The following PTPRD variants were observed in gnomAD, a reference collection of about 807,000 sequenced individuals.
PTPRD encodes receptor-type tyrosine-protein phosphatase delta.
In PTPRD, 34 loss-of-function variants were observed where a neutral mutation model predicts 214.5. The observed-to-expected ratio is 0.16, with a 90% CI of 0.12 to 0.21. The LOEUF is 0.21. Ranked by LOEUF, PTPRD falls within the 10% of genes least tolerant of loss-of-function variation. PTPRD has a pLI of 1.00. For synonymous variants in PTPRD, 1,128 were observed against 845.7 expected (o/e 1.33, Z -5.79); for missense variants, 2,545 against 2,398.7 (o/e 1.06, Z -1.27).
At chr9:8,411,789 G>A (rs2093553820) in intron 35 of PTPRD, among the ~76,000 whole-genome samples, 1 of 152,094 alleles carries the variant, frequency 6.6e-6, no homozygotes, top group Non-Finnish European at 1.5e-5. Context: ...AGAAAGAGAT[G>A]GACAGATTTA....
At position 9,024,339 on chromosome 9, in the gene PTPRD, TTTTTTTTTGTTTG is replaced by T. The variant is rs947807294; in HGVS notation, c.-142-5617_-142-5605del. ...CGAAAAGGCTATTGTCGATTCTTTGTTTTTTTTTGTTTGTTTTTTTTTTTTTCCTGTATAAACA... is the reference window on the plus strand; with the variant it reads ...CGAAAAGGCTATTGTCGATTCTTTGTTTTTTTTTTTTTTCCTGTATAAACA... On this transcript the variant is annotated intron_variant, in intron 10 of 45. Transcript: ENST00000381196. 1.1e-3 allele frequency among the ~76,000 whole-genome samples: 72 copies of T among 64,670 alleles called. 1 individual carries two copies. The highest frequency in any genetic ancestry group is 2.1e-3 in the Non-Finnish European group (62 of 29,914). 42.4% of individuals were successfully genotyped at this position (64,670 alleles called of 152,430 possible). A position where few individuals can be genotyped will look rare whatever the true frequency, so the allele number is the denominator to read the frequency against.
intron 44 of PTPRD, among the ~76,000 whole-genome samples, chr9:8,321,440 G>A (rs1311538212): frequency 1.5e-5 from 2 of 135,840 alleles, no homozygotes; most frequent in African/African-American, 5.4e-5. Flanking sequence ...CTAAATAAGA[G>A]GAAATATATA....
intron 5 of PTPRD, among the ~76,000 whole-genome samples, chr9:9,900,641 G>GTTTTTTTTTTTGTTT (rs367877727): frequency 8.3e-6 from 1 of 120,086 alleles, no homozygotes; most frequent in African/African-American, 3.1e-5. Context: ...ACATTTTCAG[G>GTTTTTTTTTTTGTTT]TTTTTTTTTT....
intron 12 of PTPRD, among the ~76,000 whole-genome samples, chr9:8,675,293 A>G (rs2097378761): frequency 6.6e-6 from 1 of 152,006 alleles, no homozygotes; most frequent in African/African-American, 2.4e-5. Flanking sequence ...TACCTATTTT[A>G]TGGAATTGCT....
chr9:9,961,008 A>G (rs1306576402), intron 4 of PTPRD, among the ~76,000 whole-genome samples: 4 of 152,172 alleles, frequency 2.6e-5, no homozygotes, highest in Non-Finnish European at 1.5e-5. Flanking sequence ...AAAGATATGA[A>G]CAGACACTTC....
At chr9:10,313,409 C>T (rs1475031882) in intron 3 of PTPRD, among the ~76,000 whole-genome samples, 1 of 151,840 alleles carries the variant, frequency 6.6e-6, no homozygotes, top group Admixed American at 6.6e-5. Flanking sequence ...CACACACACA[C>T]ACACACACAA....
At chr9:9,503,008 G>C (rs1459287317) in intron 8 of PTPRD, among the ~76,000 whole-genome samples, 3 of 151,748 alleles carry the variant, frequency 2.0e-5, no homozygotes. Flanking sequence ...GACTACACAG[G>C]TTAATATGTT....
chr9:9,136,801 A>G (rs1391172646), intron 10 of PTPRD, among the ~76,000 whole-genome samples: 1 of 152,184 alleles, frequency 6.6e-6, no homozygotes, highest in Non-Finnish European at 1.5e-5. Context: ...CATAAATGTA[A>G]AAAGAAAATG....
intron 8 of PTPRD, among the ~76,000 whole-genome samples, chr9:9,527,660 G>A (rs1186502638): frequency 6.6e-6 from 1 of 152,002 alleles, no homozygotes. Flanking sequence ...AACTCTTCAA[G>A]CATCTATCCT....
chr9:9,502,386 G>C (rs1038699206), intron 8 of PTPRD, among the ~76,000 whole-genome samples: 4 of 151,738 alleles, frequency 2.6e-5, no homozygotes, highest in Non-Finnish European at 5.9e-5. Flanking sequence ...TTCTGTATCT[G>C]GTTTATTCAC....
intron 2 of PTPRD, among the ~76,000 whole-genome samples, chr9:10,552,029 T>C (rs1375287844): frequency 1.3e-5 from 2 of 152,180 alleles, no homozygotes; most frequent in South Asian, 2.1e-4. Context: ...TTTGGAGTCT[T>C]CAAGCAAACA....
chr9:9,726,084 T>C (rs2098085175), intron 7 of PTPRD, among the ~76,000 whole-genome samples: 2 of 152,160 alleles, frequency 1.3e-5, no homozygotes, highest in South Asian at 4.1e-4. Flanking sequence ...TTCTCATTGT[T>C]TTTTAAGGAC....
intron 8 of PTPRD, among the ~76,000 whole-genome samples, chr9:9,435,024 C>A (rs897158719): frequency 6.6e-6 from 1 of 151,712 alleles, no homozygotes; most frequent in Admixed American, 6.6e-5. Context: ...ATTTAAGAAT[C>A]AAGTTATGGA....
chr9:10,275,151 T>C (rs1360796539), intron 3 of PTPRD, among the ~76,000 whole-genome samples: 3 of 152,182 alleles, frequency 2.0e-5, no homozygotes, highest in Non-Finnish European at 4.4e-5. Flanking sequence ...ACAGTGATTA[T>C]AGATTCCCAA....
At chr9:10,507,259 C>T (rs1166325383) in intron 2 of PTPRD, among the ~76,000 whole-genome samples, 1 of 152,014 alleles carries the variant, frequency 6.6e-6, no homozygotes, top group African/African-American at 2.4e-5. Context: ...AGGACCTCTT[C>T]AATGATAACT....
chr9:10,319,866 A>G (rs1279244479), intron 3 of PTPRD, among the ~76,000 whole-genome samples: 1 of 152,040 alleles, frequency 6.6e-6, no homozygotes, highest in Non-Finnish European at 1.5e-5. Context: ...TGGTAGTAAC[A>G]TGTTTTCACT....
At chr9:8,381,768 G>A (rs12344067) in intron 37 of PTPRD, among the ~76,000 whole-genome samples, 18,892 of 152,084 alleles carry the variant, frequency 0.12, 1,382 homozygotes, top group African/African-American at 0.2. Flanking sequence ...CTTTAAAAAA[G>A]TTATTCCCTT....
intron 11 of PTPRD, among the ~76,000 whole-genome samples, chr9:8,967,639 G>T (rs1334236266): frequency 2.0e-5 from 3 of 152,080 alleles, no homozygotes; most frequent in Non-Finnish European, 4.4e-5. Context: ...GAGTCACTTA[G>T]TATATGGTAT....
chr9:10,479,658 T>TACATAAATACATAAAC lies in PTPRD; in HGVS notation c.-600+132739_-600+132740insGTTTATGTATTTATGT, dbSNP rs1555402920. Among the ~76,000 whole-genome samples the TACATAAATACATAAAC allele has an allele frequency of 7.5e-5, 11 of 145,916 alleles. No homozygotes were observed. The East Asian group carries it at 2.1e-3, about 27-fold the overall frequency. On this transcript the variant is annotated intron_variant, in intron 2 of 45. Transcript: ENST00000381196. ...ATAAATAAATAAATAAATAAATAAA[T>TACATAAATACATAAAC]AAACAAAAATACAAAAATTTGCCAA...
Sources: allele counts gnomAD v4.1 joint callset (sites outside exome capture counted in the v4.1 genomes callset), GRCh38; gene constraint gnomAD v4.1.1; transcripts MANE v1.5; gene names NCBI Gene and HGNC (gene_info 2026-07-23, HGNC 2026-07-21).